Variants in EPHA5 observed in about 807,000 individuals in gnomAD.
The protein encoded by EPHA5 is ephrin type-A receptor 5.
EPHA5 carries 60 observed loss-of-function variants against 105.0 expected under a neutral mutation model. The observed-to-expected ratio is 0.57, with a 90% CI of 0.46 to 0.71. The LOEUF is 0.71. EPHA5 is among the 30% of genes least tolerant of loss of function. The probability of loss-of-function intolerance (pLI) is 0.00; values close to 1 mark genes in which losing one functional copy is unlikely to be tolerated. For missense variants in EPHA5, 1,218 were observed against 1,274.7 expected (o/e 0.96, Z 0.68); for synonymous variants, 513 against 449.1 (o/e 1.14, Z -1.80).
chr4:65,352,786 CA>C (rs1722941393), intron 12 of EPHA5, among the ~76,000 whole-genome samples: 1 of 81,852 alleles, frequency 1.2e-5, no homozygotes, highest in African/African-American at 3.1e-5. Context: ...TACTTCTCTG[CA>C]TTTTTTTTTT....
chr4:65,592,275 C>A (rs936235022), intron 3 of EPHA5, among the ~76,000 whole-genome samples: 4 of 152,044 alleles, frequency 2.6e-5, no homozygotes, highest in African/African-American at 9.7e-5. Context: ...TCAATCCACA[C>A]AGGGCAGAAA....
intron 3 of EPHA5, among the ~76,000 whole-genome samples, chr4:65,517,962 A>T (rs77671016): frequency 0.037 from 5,700 of 152,036 alleles, 175 homozygotes; most frequent in African/African-American, 0.077. Context: ...AAATAATAAG[A>T]TTTGTAAGCA....
At chr4:65,574,679 C>CAT (rs10672968) in intron 3 of EPHA5, among the ~76,000 whole-genome samples, 16,693 of 60,340 alleles carry the variant, frequency 0.28, 1,798 homozygotes, top group East Asian at 0.48. Context: ...CATATATATA[C>CAT]ATATATATAC....
chr4:65,461,212 T>G, intron 5 of EPHA5, among the ~76,000 whole-genome samples: 1 of 151,956 alleles, frequency 6.6e-6, no homozygotes, highest in East Asian at 1.9e-4. Flanking sequence ...GTCTAAAAAC[T>G]AGACTTGCTT....
intron 15 of EPHA5, among the ~76,000 whole-genome samples, chr4:65,333,038 G>A (rs181840763): frequency 6.6e-6 from 1 of 151,546 alleles, no homozygotes; most frequent in African/African-American, 2.4e-5. Context: ...TAAATCAATA[G>A]ACACTTTTAA....
intron 3 of EPHA5, among the ~76,000 whole-genome samples, chr4:65,561,246 T>C (rs1187573875): frequency 6.6e-6 from 1 of 152,034 alleles, no homozygotes; most frequent in African/African-American, 2.4e-5. Flanking sequence ...TGTAAGATAT[T>C]ATTTATCTAA....
intron 2 of EPHA5, among the ~76,000 whole-genome samples, chr4:65,625,115 G>A (rs1356838872): frequency 6.6e-6 from 1 of 152,090 alleles, no homozygotes; most frequent in African/African-American, 2.4e-5. Flanking sequence ...GGAAACACTA[G>A]ACAGTTTAAG....
rs540296157 is a variant in EPHA5, at chr4:65,395,979, C to T, written c.1793+8395G>A. On this transcript the variant is annotated intron_variant, in intron 8 of 16. Coordinates refer to ENST00000613740, the MANE Select transcript of EPHA5 (RefSeq NM_001281766.3). ...TCAATGGATGGAAACCCACCCCCTTCCAAATTGGCAGGGCAGGAGCCCTGC... is the reference window on the plus strand; with the variant it reads ...TCAATGGATGGAAACCCACCCCCTTTCAAATTGGCAGGGCAGGAGCCCTGC... Among the ~76,000 whole-genome samples, 4 of 152,248 alleles carry T rather than the reference C, an allele frequency of 2.6e-5. No individual in the cohort carries two copies. The South Asian group carries it at 8.3e-4, about 32-fold the overall frequency.
At chr4:65,474,433 G>C (rs191821063) in intron 5 of EPHA5, among the ~76,000 whole-genome samples, 4 of 152,210 alleles carry the variant, frequency 2.6e-5, no homozygotes, top group Admixed American at 2.6e-4. Context: ...CATACCACAA[G>C]TCTAGAGGAA....
chr4:65,574,008 C>T (rs911024366), intron 3 of EPHA5: 2 of 1,596,762 alleles, frequency 1.3e-6, no homozygotes, highest in Non-Finnish European at 1.7e-6. Context: ...GGTCCTCAAT[C>T]GAGTTCCTCT....
At chr4:65,340,093 C>T (rs1027067865) in intron 14 of EPHA5, among the ~76,000 whole-genome samples, 1 of 152,150 alleles carries the variant, frequency 6.6e-6, no homozygotes, top group Admixed American at 6.5e-5. Context: ...TAAATACTCT[C>T]TCTATGCCAA....
chr4:65,506,987 T>C (rs1479033479), intron 3 of EPHA5, among the ~76,000 whole-genome samples: 1 of 152,176 alleles, frequency 6.6e-6, no homozygotes, highest in African/African-American at 2.4e-5. Context: ...TTCTAGGGTT[T>C]CTATGGTTTT....
intron 5 of EPHA5, among the ~76,000 whole-genome samples, chr4:65,423,930 C>T (rs1168308199): frequency 1.3e-5 from 2 of 151,928 alleles, no homozygotes; most frequent in African/African-American, 2.4e-5. Flanking sequence ...TATATCTATA[C>T]ATATTCCTAT....
chr4:65,439,718 T>C (rs1351338055), intron 5 of EPHA5, among the ~76,000 whole-genome samples: 1 of 152,172 alleles, frequency 6.6e-6, no homozygotes, highest in East Asian at 1.9e-4. Flanking sequence ...CAAAAACTAC[T>C]CTGATTTACT....
intron 5 of EPHA5, among the ~76,000 whole-genome samples, chr4:65,485,819 C>A (rs1160947465): frequency 6.6e-6 from 1 of 152,100 alleles, no homozygotes; most frequent in Non-Finnish European, 1.5e-5. Flanking sequence ...TAAAAGAAAT[C>A]AGAAGACCTT....
chr4:65,629,277 G>A (rs1746419610), intron 2 of EPHA5, among the ~76,000 whole-genome samples: 1 of 152,278 alleles, frequency 6.6e-6, no homozygotes, highest in East Asian at 1.9e-4. Flanking sequence ...TCACAAGGGT[G>A]ACTTTCTTAG....
intron 8 of EPHA5, among the ~76,000 whole-genome samples, chr4:65,379,863 C>T (rs1044157055): frequency 2.0e-5 from 3 of 151,674 alleles, no homozygotes; most frequent in African/African-American, 7.3e-5. Flanking sequence ...TTAGATAATA[C>T]TGTGCATTAA....
intron 5 of EPHA5, among the ~76,000 whole-genome samples, chr4:65,439,015 C>A (rs777312244): frequency 1.2e-4 from 18 of 152,016 alleles, no homozygotes; most frequent in Non-Finnish European, 2.2e-4. Context: ...CTTACATACA[C>A]CAATTCACAG....
At chr4:65,627,937 T>C (rs903962572) in intron 2 of EPHA5, among the ~76,000 whole-genome samples, 13 of 152,158 alleles carry the variant, frequency 8.5e-5, no homozygotes, top group Admixed American at 5.9e-4. Context: ...ATAATCTTTT[T>C]ATTAACTGTC....
Sources: gnomAD v4.1 joint callset for allele counts (sites outside exome capture counted in the v4.1 genomes callset) on GRCh38, gnomAD v4.1.1 for gene constraint, MANE v1.5 for transcripts, NCBI Gene and HGNC (gene_info 2026-07-23, HGNC 2026-07-21) for gene names.